The following BCAS3 variants were observed in gnomAD, a reference collection of about 807,000 sequenced individuals.
The protein encoded by BCAS3 is BCAS4/BCAS3 fusion.
BCAS3 carries 53 observed loss-of-function variants against 116.1 expected under a neutral mutation model. That is an observed-to-expected ratio of 0.46 (90% confidence interval 0.37 to 0.57). The LOEUF (loss-of-function observed/expected upper bound fraction) is 0.57. BCAS3 is among the 20% of genes least tolerant of loss of function. The probability of loss-of-function intolerance (pLI) is 0.00; values close to 1 mark genes in which losing one functional copy is unlikely to be tolerated. For synonymous variants in BCAS3, 391 were observed against 408.2 expected, an observed-to-expected ratio of 0.96 and a Z score of 0.51; for missense variants, 917 against 1,165.4, an observed-to-expected ratio of 0.79 and a Z score of 3.10.
chr17:61,029,927 C>CTGTTAGGTCTA lies in BCAS3; in HGVS notation c.1638-4739_1638-4738insTGTTAGGTCTA, dbSNP rs1414753117. ...AATTTATTCTTACCTGCCACATTTA[C>CTGTTAGGTCTA]ACAAATCTGTTAGACCTTTAAGAAA... On this transcript the variant is annotated intron_variant, in intron 16 of 23. Transcript: ENST00000407086. The surrounding 1 kb of genome is among the most constrained non-coding windows in gnomAD (Gnocchi z 5.2). Among the ~76,000 whole-genome samples, 13 of 151,872 alleles carry CTGTTAGGTCTA rather than the reference C, an allele frequency of 8.6e-5. No homozygotes were observed. The highest frequency in any genetic ancestry group is 1.5e-4 in the Non-Finnish European group (10 of 67,902).
At chr17:60,895,340 T>C (rs1168348478) in intron 10 of BCAS3, among the ~76,000 whole-genome samples, 1 of 152,204 alleles carries the variant, frequency 6.6e-6, no homozygotes, top group Non-Finnish European at 1.5e-5. Context: ...TTTCAGATTT[T>C]CAGTGTATAG....
intron 14 of BCAS3, among the ~76,000 whole-genome samples, chr17:60,955,961 A>C (rs1211291794): frequency 6.6e-6 from 1 of 152,324 alleles, no homozygotes; most frequent in East Asian, 1.9e-4. Flanking sequence ...GTTTAATCAC[A>C]TGACTGAGAT....
chr17:61,040,817 C>G lies in BCAS3; in HGVS notation c.1954C>G (p.Pro652Ala). ...VRTPQWNELQ[P>A]PFNANHPLLL... ...AACCCCTCAATGGAATGAATTGCAG[C>G]CACCGTTTAATGCAAACCACCCTCT... The change falls in exon 19 of 24, where the codon CCA becomes GCA. Residue 652 changes from proline to alanine, a missense_variant. Physicochemically the swap from Pro to Ala is conservative, Grantham distance 27. Coordinates refer to ENST00000407086, the MANE Select transcript of BCAS3 (RefSeq NM_017679.5). 1 of 1,614,050 alleles carries G rather than the reference C, an allele frequency of 6.2e-7. No individual in the cohort carries two copies. The highest frequency in any genetic ancestry group is 8.5e-7 in the Non-Finnish European group (1 of 1,179,946).
intron 14 of BCAS3, among the ~76,000 whole-genome samples, chr17:60,978,182 A>G (rs1269587203): frequency 7.9e-5 from 10 of 126,920 alleles, no homozygotes; most frequent in African/African-American, 2.6e-4. Flanking sequence ...TGACTTTTTA[A>G]TGATTGCCAT....
At chr17:60,955,948 T>A (rs978636369) in intron 14 of BCAS3, among the ~76,000 whole-genome samples, 1 of 152,216 alleles carries the variant, frequency 6.6e-6, no homozygotes, top group Admixed American at 6.5e-5. Context: ...TTGATGATGA[T>A]CAGTTTAATC....
Position 61,344,216 on chromosome 17 carries a change from T to C in BCAS3, c.2426-24111T>C, listed in dbSNP as rs115474114. ...CCCTCTTTGCTTAGGAGAACCTGAG[T>C]TCACCTGCCAAAATCATCCTTTGAC... On this transcript the variant is annotated intron_variant, in intron 22 of 23. Coordinates refer to ENST00000407086, the MANE Select transcript of BCAS3 (RefSeq NM_017679.5). The surrounding 1 kb of genome is among the most constrained non-coding windows in gnomAD (Gnocchi z 4.1). Among the ~76,000 whole-genome samples, 2,425 of 152,016 alleles carry C rather than the reference T, an allele frequency of 0.016. 69 individuals carry two copies. The highest frequency in any genetic ancestry group is 0.056 in the African/African-American group (2,301 of 41,450).
chr17:61,092,178 C>T (rs2073627601), intron 22 of BCAS3, among the ~76,000 whole-genome samples: 1 of 152,220 alleles, frequency 6.6e-6, no homozygotes, highest in African/African-American at 2.4e-5. Context: ...CCAGGTATTA[C>T]ATGAATCACT....
At chr17:60,752,875 C>T (rs959893032) in intron 6 of BCAS3, among the ~76,000 whole-genome samples, 1 of 152,140 alleles carries the variant, frequency 6.6e-6, no homozygotes, top group Non-Finnish European at 1.5e-5. Flanking sequence ...GAGACAGTCT[C>T]ACTTTGTGGC....
At chr17:61,284,986 T>C (rs2051611181) in intron 22 of BCAS3, among the ~76,000 whole-genome samples, 1 of 152,218 alleles carries the variant, frequency 6.6e-6, no homozygotes, top group African/African-American at 2.4e-5. Context: ...CAAGGTTCTC[T>C]CCTGGTTCTC....
intron 19 of BCAS3, among the ~76,000 whole-genome samples, chr17:61,066,837 G>C (rs2070678354): frequency 6.6e-6 from 1 of 151,866 alleles, no homozygotes; most frequent in African/African-American, 2.4e-5. Flanking sequence ...TCGGAATCCT[G>C]GTTCAAATTC....
intron 6 of BCAS3, among the ~76,000 whole-genome samples, chr17:60,753,862 C>T (rs1254148949): frequency 6.6e-6 from 1 of 151,966 alleles, no homozygotes; most frequent in Non-Finnish European, 1.5e-5. Flanking sequence ...ATGATGGGAA[C>T]TGTGTTTTTC....
At chr17:60,924,941 G>A (rs1408061509) in intron 13 of BCAS3, among the ~76,000 whole-genome samples, 1 of 149,774 alleles carries the variant, frequency 6.7e-6, no homozygotes. Context: ...TCTTCTTAAG[G>A]TTTACTCCTT....
chr17:60,985,221 C>T (rs1485154353), intron 14 of BCAS3, among the ~76,000 whole-genome samples: 1 of 146,780 alleles, frequency 6.8e-6, no homozygotes, highest in Non-Finnish European at 1.5e-5. Flanking sequence ...TCTCAGTTCA[C>T]TGCAACTTCT....
chr17:61,058,727 A>C (rs2069653199), intron 19 of BCAS3, among the ~76,000 whole-genome samples: 1 of 152,216 alleles, frequency 6.6e-6, no homozygotes. Context: ...ATCACAGTAT[A>C]GGTATCTCTG....
chr17:61,068,564 G>A lies in BCAS3; in HGVS notation c.2030-6356G>A, dbSNP rs2143388456. ...TCTAAGCTATGGAGAACATGGTAAG[G>A]TTGTCACAGACCTGGCTGTACAGAC... is the stretch of plus-strand genomic sequence containing the variant. On this transcript the variant is annotated intron_variant, in intron 19 of 23. Transcript: ENST00000407086. The surrounding 1 kb of genome is among the most constrained non-coding windows in gnomAD (Gnocchi z 4.3). Among the ~76,000 whole-genome samples, 2 of 152,286 alleles carry A rather than the reference G, an allele frequency of 1.3e-5. No individual in the cohort carries two copies. Among genetic ancestry groups the A allele is most frequent in the South Asian group, 4.1e-4 (2 of 4,822 alleles).
At chr17:61,090,576 A>G (rs2073468519) in intron 22 of BCAS3, among the ~76,000 whole-genome samples, 1 of 152,256 alleles carries the variant, frequency 6.6e-6, no homozygotes, top group Non-Finnish European at 1.5e-5. Flanking sequence ...ACATAGGGAA[A>G]AGACCTTATT....
At chr17:60,795,933 A>G (rs1428071470) in intron 6 of BCAS3, among the ~76,000 whole-genome samples, 2 of 151,834 alleles carry the variant, frequency 1.3e-5, no homozygotes, top group Non-Finnish European at 2.9e-5. Context: ...CAAGTGATCC[A>G]CCCACCTCGG....
In BCAS3 at chr17:61,040,803, G is replaced by T; in HGVS notation, c.1940G>T (p.Trp647Leu). ...TCCTGTTTCCTTAGAACCCCTCAAT[G>T]GAATGAATTGCAGCCACCGTTTAAT... ...ASWTLVRTPQ[W>L]NELQPPFNAN... Residue 647 changes from tryptophan (W) to leucine (L), a missense_variant, in exon 19 of 24, where the codon TGG becomes TTG. Physicochemically the swap from Trp to Leu is moderately conservative, Grantham distance 61. Transcript: ENST00000407086. The T allele has an allele frequency of 6.2e-7, 1 of 1,613,638 alleles. No homozygotes were observed. Among genetic ancestry groups the T allele is most frequent in the Non-Finnish European group, 8.5e-7 (1 of 1,179,604 alleles).
At position 61,331,597 on chromosome 17, in the gene BCAS3, C is replaced by T. The variant is rs183083708; in HGVS notation, c.2426-36730C>T. Among the ~76,000 whole-genome samples the T allele has an allele frequency of 3.1e-3, 472 of 152,172 alleles. 6 individuals carry two copies. Among genetic ancestry groups the T allele is most frequent in the African/African-American group, 0.01 (435 of 41,510 alleles). ...CACTTGAGCATAGGAGTTCAAGACC[C>T]CCCTGGACAACAGGGTGAGACCCCA... On this transcript the variant is annotated intron_variant, in intron 22 of 23. Transcript: ENST00000407086.
Sources: allele counts gnomAD v4.1 joint callset (sites outside exome capture counted in the v4.1 genomes callset), GRCh38; gene constraint gnomAD v4.1.1; non-coding constraint Gnocchi (gnomAD v3.1); transcripts MANE v1.5; gene names NCBI Gene and HGNC (gene_info 2026-07-23, HGNC 2026-07-21).